PTGDR: variants seen among roughly 807,000 people sequenced by gnomAD.
PTGDR encodes prostaglandin D2 receptor.
In PTGDR, 19 loss-of-function variants were observed where a neutral mutation model predicts 17.4. That is an observed-to-expected ratio of 1.09 (90% CI 0.76 to 1.60). PTGDR has a LOEUF of 1.60. Ranked by LOEUF, PTGDR falls within the 40% of genes most tolerant of loss-of-function variation. The pLI is 0.00. For missense variants in PTGDR, 526 were observed against 481.9 expected, an observed-to-expected ratio of 1.09 and a Z score of -0.86; for synonymous variants, 267 against 224.2, an observed-to-expected ratio of 1.19 and a Z score of -1.71.
intron 1 of PTGDR, among the ~76,000 whole-genome samples, chr14:52,269,864 T>TTCAGAATCACCAGC (rs1045182519): frequency 6.6e-6 from 1 of 152,184 alleles, no homozygotes; most frequent in African/African-American, 2.4e-5. Context: ...AGCAGTGGTC[T>TTCAGAATCACCAGC]TCAGAATCAC....
intron 1 of PTGDR, among the ~76,000 whole-genome samples, chr14:52,272,538 C>A (rs537902217): frequency 6.6e-6 from 1 of 152,058 alleles, no homozygotes; most frequent in Admixed American, 6.5e-5. Context: ...GTGAGAAGAA[C>A]GCCCTCTGAT....
At chr14:52,269,341 C>A in intron 1 of PTGDR, 1 of 871,078 alleles carries the variant, frequency 1.1e-6, no homozygotes, top group Non-Finnish European at 1.8e-6. Context: ...CCTGACTTGA[C>A]GGGTTTTGAG....
At chr14:52,272,068 A>G (rs893397860) in intron 1 of PTGDR, among the ~76,000 whole-genome samples, 2 of 152,236 alleles carry the variant, frequency 1.3e-5, no homozygotes, top group African/African-American at 4.8e-5. Context: ...GATCTAGACA[A>G]CTGAATGATA....
In PTGDR at chr14:52,275,135, C is replaced by T. The variant is rs1036736012; in HGVS notation, c.*171C>T. 3 of 611,616 alleles carry T rather than the reference C, an allele frequency of 4.9e-6. No homozygotes were observed. The highest frequency in any genetic ancestry group is 8.4e-6 in the Non-Finnish European group (3 of 357,564). 37.9% of individuals were successfully genotyped at this position (611,616 alleles called of 1,614,324 possible). A position where few individuals can be genotyped will look rare whatever the true frequency, so the allele number is the denominator to read the frequency against. Reference sequence around the variant, plus strand: ...ATTTGATATCTTAACAATGTGTTACCATTCTATAGTCATGAACCCCTTCAG... The same window carrying T: ...ATTTGATATCTTAACAATGTGTTACTATTCTATAGTCATGAACCCCTTCAG... On this transcript the variant is annotated 3_prime_UTR_variant, in exon 2 of 2. Transcript: ENST00000306051.
intron 1 of PTGDR, among the ~76,000 whole-genome samples, chr14:52,271,457 G>T (rs2033321795): frequency 1.3e-5 from 2 of 152,108 alleles, no homozygotes. Context: ...ATAAAACTAA[G>T]AAATTCTAAA....
At chr14:52,270,942 A>G (rs1209470502) in intron 1 of PTGDR, among the ~76,000 whole-genome samples, 1 of 152,258 alleles carries the variant, frequency 6.6e-6, no homozygotes, top group Non-Finnish European at 1.5e-5. Context: ...AGATTTTCCA[A>G]AAAAACTAGC....
At position 52,274,998 on chromosome 14, in the gene PTGDR, A is replaced by T. The variant is rs1255545308; in HGVS notation, c.*34A>T. The stretch of plus-strand genomic sequence containing the variant: ...TTCACTCTGTGGTAAGCTGAGGAAT[A>T]TGTCACATTTTCAGTCAAAGAACCA... On this transcript the variant is annotated 3_prime_UTR_variant, in exon 2 of 2. Coordinates refer to ENST00000306051, the MANE Select transcript of PTGDR (RefSeq NM_000953.3). 7.1e-7 allele frequency: 1 copy of T among 1,403,280 alleles called. No individual in the cohort carries two copies. Among genetic ancestry groups the T allele is most frequent in the Non-Finnish European group, 9.8e-7 (1 of 1,016,244 alleles). The allele number at this position is 1,403,280 out of a possible 1,614,324, so 86.9% of individuals were successfully genotyped here.
downstream of PTGDR, among the ~76,000 whole-genome samples, chr14:52,277,295 T>G (rs1421993371): frequency 6.6e-6 from 1 of 152,120 alleles, no homozygotes; most frequent in African/African-American, 2.4e-5. Context: ...TCAGGAGAAC[T>G]TCACAGGAAG....
chr14:52,274,692 CCTTTCCACATCATAA>C (rs749311389), intron 1 of PTGDR, 24 bp from the exon 2 acceptor site: 20 of 1,513,454 alleles, frequency 1.3e-5, no homozygotes, highest in Non-Finnish European at 1.8e-5. Flanking sequence ...CTGCCATTAA[CCTTTCCACATCATAA>C]TGGAATGTTT....
chr14:52,272,196 G>A (rs2033333970), intron 1 of PTGDR, among the ~76,000 whole-genome samples: 1 of 152,162 alleles, frequency 6.6e-6, no homozygotes, highest in South Asian at 2.1e-4. Flanking sequence ...CATTGGGGCT[G>A]GTGGCTCACA....
intron 1 of PTGDR, among the ~76,000 whole-genome samples, chr14:52,273,024 T>G (rs1003589873): frequency 6.6e-6 from 1 of 152,184 alleles, no homozygotes; most frequent in African/African-American, 2.4e-5. Context: ...TTTTTGTTTG[T>G]TTTTTGAGAC....
At position 52,267,767 on chromosome 14, in the gene PTGDR, C is replaced by A. The variant is rs1327214705; in HGVS notation, c.-48C>A. ...GCTCCTTAGCACCCGGGCGCCGGGGCCCTCGCCCTTCCGCAGCCTTCACTC... is the reference window on the plus strand; with the variant it reads ...GCTCCTTAGCACCCGGGCGCCGGGGACCTCGCCCTTCCGCAGCCTTCACTC... On this transcript the variant is annotated 5_prime_UTR_variant, in exon 1 of 2. Transcript: ENST00000306051. 1 of 1,496,318 alleles carries A rather than the reference C, an allele frequency of 6.7e-7. No individual in the cohort carries two copies. Among genetic ancestry groups the A allele is most frequent in the Non-Finnish European group, 8.9e-7 (1 of 1,125,598 alleles). 92.7% of individuals were successfully genotyped at this position (1,496,318 alleles called of 1,614,324 possible). A position where few individuals can be genotyped will look rare whatever the true frequency, so the allele number is the denominator to read the frequency against.
chr14:52,268,310 C>A lies in PTGDR; in HGVS notation c.496C>A (p.Leu166Ile). ...CGCCTTCTCCCTGGCTTTCTGCGCGCTACCTTTCATGGGCTTCGGGAAGTT... is the reference window on the plus strand; with the variant it reads ...CGCCTTCTCCCTGGCTTTCTGCGCGATACCTTTCATGGGCTTCGGGAAGTT... ...VSAFSLAFCA[L>I]PFMGFGKFVQ... Residue 166 changes from leucine to isoleucine, a missense_variant, in exon 1 of 2, where the codon CTA (leucine) becomes ATA (isoleucine). Coordinates refer to ENST00000306051, the MANE Select transcript of PTGDR (RefSeq NM_000953.3). The A allele has an allele frequency of 6.2e-7, 1 of 1,613,958 alleles. No individual in the cohort carries two copies. The highest frequency in any genetic ancestry group is 8.5e-7 in the Non-Finnish European group (1 of 1,180,052).
In PTGDR at chr14:52,268,045, C is replaced by A. The variant is rs751448854; in HGVS notation, c.231C>A (p.Cys77Ter). 1.9e-6 allele frequency: 3 copies of A among 1,612,104 alleles called. No homozygotes were observed. Among genetic ancestry groups the A allele is most frequent in the Non-Finnish European group, 2.5e-6 (3 of 1,180,030 alleles). The change falls in exon 1 of 2, where the codon TGC becomes TGA. Residue 77 changes from cysteine to a stop codon, truncating the protein, a stop_gained. Coordinates refer to ENST00000306051, the MANE Select transcript of PTGDR (RefSeq NM_000953.3). LOFTEE classifies it high-confidence loss of function. ...GLTVTDLLGK[C>*]LLSPVVLAAY... is the part of the protein sequence containing the mutation. ...CGGTCACCGACTTGCTGGGCAAGTG[C>A]CTCCTAAGCCCGGTGGTGCTGGCTG...
intron 1 of PTGDR, among the ~76,000 whole-genome samples, chr14:52,273,477 A>G (rs1388132981): frequency 6.6e-6 from 1 of 152,142 alleles, no homozygotes; most frequent in African/African-American, 2.4e-5. Context: ...CAAACTTTTC[A>G]TCAAGATTAA....
In PTGDR at chr14:52,268,551, C is replaced by T. The variant is rs780847346; in HGVS notation, c.737C>T (p.Pro246Leu). 8 of 1,612,658 alleles carry T rather than the reference C, an allele frequency of 5.0e-6. No individual in the cohort carries two copies. In the East Asian group the frequency reaches 8.9e-5, roughly 18 times the overall value. Reference protein sequence around the residue: ...PRSCTRDCAEPRADGREASPQ... With the variant: ...PRSCTRDCAELRADGREASPQ... ...TCCTGCACCAGGGACTGTGCCGAGC[C>T]GCGCGCGGACGGGAGGGAAGCGTCC... Residue 246 changes from proline to leucine, a missense_variant, in exon 1 of 2, where the codon CCG (proline) becomes CTG (leucine). Pro to Leu is a moderately conservative substitution (Grantham distance 98). Transcript: ENST00000306051.
Position 52,268,554 on chromosome 14 carries a change from G to C in PTGDR, c.740G>C (p.Arg247Pro). 4 of 1,612,666 alleles carry C rather than the reference G, an allele frequency of 2.5e-6. No homozygotes were observed. In the South Asian group the frequency reaches 3.3e-5, roughly 13 times the overall value. ...TGCACCAGGGACTGTGCCGAGCCGC[G>C]CGCGGACGGGAGGGAAGCGTCCCCT... Reference protein sequence around the residue: ...RSCTRDCAEPRADGREASPQP... With the variant: ...RSCTRDCAEPPADGREASPQP... The change falls in exon 1 of 2, where the codon CGC becomes CCC. Residue 247 changes from arginine (R) to proline (P), a missense_variant. Transcript: ENST00000306051.
At chr14:52,268,740 G>A (rs539297118) in intron 1 of PTGDR, 80 bp downstream of exon 1, 1 of 1,429,650 alleles carries the variant, frequency 7.0e-7, no homozygotes, top group Non-Finnish European at 9.4e-7. Flanking sequence ...GGAGCGGATC[G>A]GGATGGACGC....
chr14:52,276,520 T>C lies in PTGDR; in HGVS notation c.*1556T>C, dbSNP rs1240442604. The C allele has an allele frequency of 6.6e-6, 1 of 152,210 alleles. No individual in the cohort carries two copies. Among genetic ancestry groups the C allele is most frequent in the Non-Finnish European group, 1.5e-5 (1 of 68,030 alleles). 9.4% of individuals were successfully genotyped at this position (152,210 alleles called of 1,614,324 possible). ...CAAATTAGGCATACAAGGAGTATGA[T>C]TTAACAGTATGACATGATGAAAAAA... On this transcript the variant is annotated 3_prime_UTR_variant, in exon 2 of 2. Transcript: ENST00000306051.
Sources: gnomAD v4.1 joint callset for allele counts (sites outside exome capture counted in the v4.1 genomes callset) on GRCh38, gnomAD v4.1.1 for gene constraint, MANE v1.5 for transcripts, NCBI Gene and HGNC (gene_info 2026-07-23, HGNC 2026-07-21) for gene names.